KMT2C: variants seen among roughly 807,000 people sequenced by gnomAD.
The protein encoded by KMT2C is lysine methyltransferase 2C, also known as histone-lysine N-methyltransferase 2C.
Under a neutral mutation model 507.9 loss-of-function variants are expected in KMT2C, and 88 were observed. The observed-to-expected ratio is 0.17, with a 90% CI of 0.15 to 0.21. KMT2C has a LOEUF of 0.21. Ranked by LOEUF, KMT2C falls within the 10% of genes least tolerant of loss-of-function variation. KMT2C has a pLI of 1.00. For missense variants in KMT2C, 4,954 were observed against 5,957.8 expected (o/e 0.83, Z 5.55); for synonymous variants, 2,049 against 2,080.8 (o/e 0.98, Z 0.42).
chr7:152,371,891 G>A (rs1414628168), intron 1 of KMT2C, among the ~76,000 whole-genome samples: 2 of 151,958 alleles, frequency 1.3e-5, no homozygotes, highest in African/African-American at 4.8e-5. Context: ...TGGTATTACA[G>A]GTGTGAGCCA....
intron 6 of KMT2C, among the ~76,000 whole-genome samples, chr7:152,308,563 T>C (rs921782818): frequency 5.4e-5 from 8 of 148,988 alleles, no homozygotes; most frequent in African/African-American, 2.0e-4. Flanking sequence ...TAATCCAATC[T>C]ACTCAGGAGG....
rs970465796 is a variant in KMT2C, at chr7:152,309,674, C to G, written c.849+292G>C. On this transcript the variant is annotated intron_variant, in intron 6 of 58. Coordinates refer to ENST00000262189, the MANE Select transcript of KMT2C (RefSeq NM_170606.3). Reference sequence around the variant, plus strand: ...TAGCTGGGATTACAGGCGACTGCCACCATGCCCAGCTAATTTTTGTATTTT... The same window carrying G: ...TAGCTGGGATTACAGGCGACTGCCAGCATGCCCAGCTAATTTTTGTATTTT... Among the ~76,000 whole-genome samples the G allele has an allele frequency of 2.0e-5, 3 of 151,674 alleles. No individual in the cohort carries two copies. In the East Asian group the frequency reaches 5.8e-4, roughly 29 times the overall value.
chr7:152,349,310 G>A lies in KMT2C; in HGVS notation c.250+9277C>T, dbSNP rs146074116. Among the ~76,000 whole-genome samples the A allele has an allele frequency of 6.6e-5, 10 of 152,088 alleles. No homozygotes were observed. In the East Asian group the frequency reaches 1.7e-3, roughly 27 times the overall value. ...AAAATACAAAATAGCCAGGTGTGGTGGTGCATGCCTGTAATACCAGCTACT... is the reference window on the plus strand; with the variant it reads ...AAAATACAAAATAGCCAGGTGTGGTAGTGCATGCCTGTAATACCAGCTACT... On this transcript the variant is annotated intron_variant, in intron 2 of 58. Coordinates refer to ENST00000262189, the MANE Select transcript of KMT2C (RefSeq NM_170606.3).
At chr7:152,350,293 T>G (rs1374057332) in intron 2 of KMT2C, among the ~76,000 whole-genome samples, 1 of 152,170 alleles carries the variant, frequency 6.6e-6, no homozygotes, top group African/African-American at 2.4e-5. Flanking sequence ...TTTAAAAACT[T>G]ATGCTAGAAG....
rs2091754090 is a variant in KMT2C, at chr7:152,152,942, C to T, written c.12289G>A (p.Val4097Ile). ...AGAAGGTCGGAAAATGCAGCCACAACACTGCTAATGTTCTAAAACCAAATG... is the reference window on the plus strand; with the variant it reads ...AGAAGGTCGGAAAATGCAGCCACAATACTGCTAATGTTCTAAAACCAAATG... ...HPTAAENISSVVAAFSDLLHV... is the reference protein window; with the variant it reads ...HPTAAENISSIVAAFSDLLHV... Residue 4097 changes from valine to isoleucine, a missense_variant, in exon 49 of 59, where the codon GTT becomes ATT. By Grantham distance (29) the Val-to-Ile change is conservative (BLOSUM62 3). Coordinates refer to ENST00000262189, the MANE Select transcript of KMT2C (RefSeq NM_170606.3). The T allele has an allele frequency of 2.5e-6, 4 of 1,614,168 alleles. No homozygotes were observed. Among genetic ancestry groups the T allele is most frequent in the Non-Finnish European group, 3.4e-6 (4 of 1,180,012 alleles).
At chr7:152,180,327 T>C (rs1462521287) in intron 36 of KMT2C, among the ~76,000 whole-genome samples, 2 of 152,214 alleles carry the variant, frequency 1.3e-5, no homozygotes, top group Admixed American at 6.5e-5. Flanking sequence ...GACAGGTTAG[T>C]GGCTTTTTAA....
chr7:152,426,525 AC>A (rs758149465), intron 1 of KMT2C, among the ~76,000 whole-genome samples: 131 of 152,144 alleles, frequency 8.6e-4, no homozygotes, highest in Non-Finnish European at 1.4e-3. Context: ...GTGTGAGCCA[AC>A]ATACCCAGCC....
At chr7:152,229,840 T>G in intron 18 of KMT2C, 83 bp downstream of exon 18, 1 of 817,824 alleles carries the variant, frequency 1.2e-6, no homozygotes, top group Non-Finnish European at 2.0e-6. Flanking sequence ...AATACTTAAT[T>G]GTGAGAACTG....
At chr7:152,137,713 T>C (rs1462605085) in intron 58 of KMT2C, 2 of 152,230 alleles carry the variant, frequency 1.3e-5, no homozygotes, top group Non-Finnish European at 2.9e-5. Flanking sequence ...ATTTTCTCTA[T>C]CTTGCAGAAG....
rs903511188 is a variant in KMT2C, at chr7:152,401,892, C to A, written c.161+33734G>T. Among the ~76,000 whole-genome samples the A allele has an allele frequency of 2.0e-5, 3 of 152,196 alleles. No individual in the cohort carries two copies. In the Admixed American group the frequency reaches 2.0e-4, roughly 10 times the overall value. ...CTGGGAGGCTGAGGCAGGTGGATCA[C>A]CTGAGGTTGGGAGTTCAAGACCAGC... On this transcript the variant is annotated intron_variant, in intron 1 of 58. Transcript: ENST00000262189.
Position 152,177,025 on chromosome 7 carries a change from G to A in KMT2C, c.8428C>T (p.His2810Tyr). The change falls in exon 38 of 59, where the codon CAT becomes TAT. Residue 2810 changes from histidine (H) to tyrosine (Y), a missense_variant. His to Tyr is a moderately conservative substitution (Grantham distance 83, BLOSUM62 2). Around this residue, in one of 29 missense-constraint regions of KMT2C, gnomAD observed 1,689 missense variants for 1,654.3 expected, o/e 1.02. Transcript: ENST00000262189. ...ENKTLVLSDKHSPQKKSTVTN... is the reference protein window; with the variant it reads ...ENKTLVLSDKYSPQKKSTVTN... ...ACAGTGGATTTTTTCTGTGGTGAATGTTTATCAGAGAGAACCAGAGTTTTG... is the reference window on the plus strand; with the variant it reads ...ACAGTGGATTTTTTCTGTGGTGAATATTTATCAGAGAGAACCAGAGTTTTG... 2 of 1,613,744 alleles carry A rather than the reference G, an allele frequency of 1.2e-6. No individual in the cohort carries two copies. The highest frequency in any genetic ancestry group is 1.3e-5 in the African/African-American group (1 of 74,972).
intron 4 of KMT2C, among the ~76,000 whole-genome samples, chr7:152,313,281 T>C (rs2096690267): frequency 6.6e-6 from 1 of 152,020 alleles, no homozygotes; most frequent in Non-Finnish European, 1.5e-5. Flanking sequence ...TACTAAATGT[T>C]GTTTTAGCAT....
intron 40 of KMT2C, among the ~76,000 whole-genome samples, chr7:152,170,708 G>A (rs1316911907): frequency 6.6e-6 from 1 of 152,130 alleles, no homozygotes; most frequent in East Asian, 1.9e-4. Flanking sequence ...TCACTACGTT[G>A]GTCAGGCTGG....
intron 6 of KMT2C, among the ~76,000 whole-genome samples, chr7:152,303,674 C>A (rs1391554736): frequency 1.4e-5 from 2 of 140,958 alleles, no homozygotes; most frequent in Non-Finnish European, 2.9e-5. Context: ...ACAAACGCTG[C>A]AGATGTTAAG....
At position 152,178,015 on chromosome 7, in the gene KMT2C, TAAAAAAAAAAAAAAAAAAA is replaced by T. The variant is rs746018833; in HGVS notation, c.7443-24_7443-6del. The stretch of plus-strand genomic sequence containing the variant: ...CTACCTCCTGGAAATCCAAATCTTT[TAAAAAAAAAAAAAAAAAAA>T]AAAAAAAAGCAAATAGGTATTATGT... On this transcript the variant is annotated splice_polypyrimidine_tract_variant and splice_region_variant and intron_variant, in intron 37 of 58. Transcript: ENST00000262189. 1 of 777,676 alleles carries T rather than the reference TAAAAAAAAAAAAAAAAAAA, an allele frequency of 1.3e-6. No homozygotes were observed. Among genetic ancestry groups the T allele is most frequent in the East Asian group, 7.6e-5 (1 of 13,088 alleles). The allele number at this position is 777,676 out of a possible 1,614,324, so 48.2% of individuals were successfully genotyped here.
At chr7:152,329,307 G>A (rs996998185) in intron 3 of KMT2C, among the ~76,000 whole-genome samples, 1 of 152,116 alleles carries the variant, frequency 6.6e-6, no homozygotes, top group Admixed American at 6.5e-5. Flanking sequence ...GTTCATGCTT[G>A]CACTTCCACC....
At chr7:152,416,163 G>A (rs2097733504) in intron 1 of KMT2C, among the ~76,000 whole-genome samples, 1 of 152,186 alleles carries the variant, frequency 6.6e-6, no homozygotes, top group Admixed American at 6.5e-5. Context: ...CCAAGGCAGG[G>A]GAGATCACTT....
At chr7:152,164,582 C>A (rs552792978) in intron 42 of KMT2C, among the ~76,000 whole-genome samples, 1 of 152,176 alleles carries the variant, frequency 6.6e-6, no homozygotes, top group East Asian at 1.9e-4. Context: ...AGCCACTGCG[C>A]CCGGCCTGTA....
intron 6 of KMT2C, among the ~76,000 whole-genome samples, chr7:152,294,386 A>G (rs2129188160): frequency 6.6e-6 from 1 of 152,298 alleles, no homozygotes; most frequent in East Asian, 1.9e-4. Flanking sequence ...AGGTAACATG[A>G]CCTGGGGAAG....
Sources: gnomAD v4.1 joint callset for allele counts (sites outside exome capture counted in the v4.1 genomes callset) on GRCh38, gnomAD v4.1.1 for gene constraint, gnomAD v4.1.1 regional missense constraint, MANE v1.5 for transcripts, NCBI Gene and HGNC (gene_info 2026-07-23, HGNC 2026-07-21) for gene names.